The following MACROD2 variants were observed in gnomAD, a reference collection of about 807,000 sequenced individuals.
MACROD2 encodes ADP-ribose glycohydrolase MACROD2.
MACROD2 carries 36 observed loss-of-function variants against 70.4 expected under a neutral mutation model. That is an observed-to-expected ratio of 0.51 (90% CI 0.39 to 0.68). The LOEUF (loss-of-function observed/expected upper bound fraction) is 0.68. Among genes scored for constraint, MACROD2 ranks in the 30% least tolerant of loss-of-function variants. The probability of loss-of-function intolerance (pLI) is 0.00; values close to 1 mark genes in which losing one functional copy is unlikely to be tolerated. For missense variants in MACROD2, 496 were observed against 538.4 expected (o/e 0.92, Z 0.78); for synonymous variants, 172 against 178.8 (o/e 0.96, Z 0.30).
At chr20:14,147,181 G>T (rs2054953578) in intron 3 of MACROD2, among the ~76,000 whole-genome samples, 1 of 152,178 alleles carries the variant, frequency 6.6e-6, no homozygotes. Context: ...TGTAGATATT[G>T]CTTCTTTTTT....
At chr20:15,871,590 G>A (rs1207090220) in intron 9 of MACROD2, among the ~76,000 whole-genome samples, 1 of 152,138 alleles carries the variant, frequency 6.6e-6, no homozygotes, top group Non-Finnish European at 1.5e-5. Context: ...ATAGCACCCA[G>A]GAATTCAGAG....
chr20:15,451,852 G>T (rs150197142), intron 7 of MACROD2, among the ~76,000 whole-genome samples: 1 of 152,230 alleles, frequency 6.6e-6, no homozygotes, highest in East Asian at 1.9e-4. Flanking sequence ...CTTCCTTGGG[G>T]CCCACCAGGT....
chr20:15,818,328 G>GT (rs2064534056), intron 8 of MACROD2, among the ~76,000 whole-genome samples: 1 of 152,138 alleles, frequency 6.6e-6, no homozygotes, highest in Non-Finnish European at 1.5e-5. Context: ...TGAATTATTC[G>GT]TGAGTTTCCT....
At chr20:14,902,971 G>A (rs1238406339) in intron 5 of MACROD2, among the ~76,000 whole-genome samples, 1 of 151,364 alleles carries the variant, frequency 6.6e-6, no homozygotes, top group Admixed American at 6.6e-5. Flanking sequence ...TCTTCTGTCA[G>A]CAAAACCCAT....
chr20:15,190,648 T>G (rs1439570370), intron 5 of MACROD2, among the ~76,000 whole-genome samples: 1 of 152,110 alleles, frequency 6.6e-6, no homozygotes, highest in Non-Finnish European at 1.5e-5. Flanking sequence ...TCACAGTTCC[T>G]AAGAAGAGGG....
At chr20:14,473,240 G>A (rs979959194) in intron 3 of MACROD2, among the ~76,000 whole-genome samples, 1 of 152,032 alleles carries the variant, frequency 6.6e-6, no homozygotes. Context: ...AATAGAACTG[G>A]AATTCATTCC....
chr20:14,754,230 C>T (rs204094), intron 5 of MACROD2, among the ~76,000 whole-genome samples: 7,943 of 152,116 alleles, frequency 0.052, 268 homozygotes, highest in Middle Eastern at 0.22. Context: ...GACATAGTCT[C>T]CACCTTCACC....
chr20:14,977,869 A>G lies in MACROD2; in HGVS notation c.419-252071A>G, dbSNP rs79601852. On this transcript the variant is annotated intron_variant, in intron 5 of 17. Coordinates refer to ENST00000684519, the MANE Select transcript of MACROD2 (RefSeq NM_001351661.2). ...CTTGGTGTATGGATAATGGCTATCTATGTATTCTGTTGAATTTTTTTTTCT... is the reference window on the plus strand; with the variant it reads ...CTTGGTGTATGGATAATGGCTATCTGTGTATTCTGTTGAATTTTTTTTTCT... Among the ~76,000 whole-genome samples the G allele has an allele frequency of 1.5e-3, 236 of 152,274 alleles. 2 individuals are homozygous for G. In the East Asian group the frequency reaches 0.034, roughly 22 times the overall value.
At chr20:14,452,080 C>A (rs1167641482) in intron 3 of MACROD2, among the ~76,000 whole-genome samples, 3 of 151,782 alleles carry the variant, frequency 2.0e-5, no homozygotes, top group Non-Finnish European at 4.4e-5. Flanking sequence ...TATTTCTGAC[C>A]CAGAGGCTTC....
intron 8 of MACROD2, among the ~76,000 whole-genome samples, chr20:15,557,558 C>G (rs1248237008): frequency 6.6e-6 from 1 of 152,176 alleles, no homozygotes; most frequent in African/African-American, 2.4e-5. Flanking sequence ...ATCCCCAAAC[C>G]AGAGCTTTAA....
At chr20:15,323,305 C>T (rs1169409390) in intron 6 of MACROD2, among the ~76,000 whole-genome samples, 2 of 152,044 alleles carry the variant, frequency 1.3e-5, no homozygotes, top group African/African-American at 2.4e-5. Context: ...CAAGTAAAGT[C>T]TATAATGCTT....
intron 5 of MACROD2, among the ~76,000 whole-genome samples, chr20:15,094,964 C>T (rs2075817809): frequency 6.6e-6 from 1 of 151,044 alleles, no homozygotes; most frequent in Non-Finnish European, 1.5e-5. Flanking sequence ...TGACCCTGAG[C>T]AAGTCACTAA....
intron 5 of MACROD2, among the ~76,000 whole-genome samples, chr20:15,070,655 T>G (rs2075611983): frequency 6.6e-6 from 1 of 152,162 alleles, no homozygotes; most frequent in Non-Finnish European, 1.5e-5. Flanking sequence ...TCTCATCATG[T>G]GACACACTGG....
intron 5 of MACROD2, among the ~76,000 whole-genome samples, chr20:14,906,775 C>T (rs1021889751): frequency 6.6e-6 from 1 of 152,156 alleles, no homozygotes; most frequent in Non-Finnish European, 1.5e-5. Flanking sequence ...TAAGTCTTCT[C>T]AGGACTTAAA....
At chr20:14,965,499 C>T (rs1306449521) in intron 5 of MACROD2, among the ~76,000 whole-genome samples, 4 of 124,328 alleles carry the variant, frequency 3.2e-5, no homozygotes, top group African/African-American at 6.0e-5. Context: ...CTCTCTCAGT[C>T]CCCCAGGCTG....
At chr20:15,148,558 T>A (rs531735929) in intron 5 of MACROD2, among the ~76,000 whole-genome samples, 1 of 152,078 alleles carries the variant, frequency 6.6e-6, no homozygotes, top group East Asian at 1.9e-4. Context: ...GCAGGGCATG[T>A]ATGAGTAGTT....
intron 3 of MACROD2, among the ~76,000 whole-genome samples, chr20:14,272,758 T>C (rs1212493271): frequency 6.6e-6 from 1 of 152,114 alleles, no homozygotes; most frequent in Non-Finnish European, 1.5e-5. Context: ...CCATCTCACA[T>C]GCAGAGACAC....
intron 5 of MACROD2, among the ~76,000 whole-genome samples, chr20:15,219,796 T>A (rs1195044406): frequency 3.3e-5 from 5 of 152,164 alleles, no homozygotes; most frequent in Non-Finnish European, 7.3e-5. Flanking sequence ...AGTGAGCCCA[T>A]TAATTCCTTC....
chr20:15,704,259 A>G (rs2050501246), intron 8 of MACROD2, among the ~76,000 whole-genome samples: 1 of 152,122 alleles, frequency 6.6e-6, no homozygotes, highest in South Asian at 2.1e-4. Flanking sequence ...AAGAAATTGC[A>G]TCTTCCATTG....
Sources: allele counts gnomAD v4.1 joint callset (sites outside exome capture counted in the v4.1 genomes callset), GRCh38; gene constraint gnomAD v4.1.1; transcripts MANE v1.5; gene names NCBI Gene and HGNC (gene_info 2026-07-23, HGNC 2026-07-21).